Variants in UTRN observed in about 807,000 individuals in gnomAD.
The protein encoded by UTRN is dystrophin-related protein 1.
UTRN carries 283 observed loss-of-function variants against 463.9 expected under a neutral mutation model. That is an observed-to-expected ratio of 0.61 (90% CI 0.55 to 0.67). The LOEUF is 0.67. UTRN is among the 30% of genes least tolerant of loss of function. UTRN has a pLI of 0.00. For synonymous variants in UTRN, 1,442 were observed against 1,431.5 expected, an observed-to-expected ratio of 1.01 and a Z score of -0.17; for missense variants, 3,922 against 4,084.3, an observed-to-expected ratio of 0.96 and a Z score of 1.08.
At chr6:144,458,631 GTTGTA>G in intron 19 of UTRN, 134 bp from the exon 20 acceptor site, 1 of 929,852 alleles carries the variant, frequency 1.1e-6, no homozygotes, top group Non-Finnish European at 1.5e-6. Context: ...AATTTTTGTT[GTTGTA>G]TTAAAAGGGA....
chr6:144,796,060 TC>T, intron 63 of UTRN, among the ~76,000 whole-genome samples: 1 of 152,228 alleles, frequency 6.6e-6, no homozygotes, highest in East Asian at 1.9e-4. Flanking sequence ...TACATTTAAG[TC>T]TTTAATCCAT....
chr6:144,552,376 G>T (rs1799001168), intron 48 of UTRN, among the ~76,000 whole-genome samples: 1 of 152,160 alleles, frequency 6.6e-6, no homozygotes, highest in African/African-American at 2.4e-5. Context: ...TTTGGAGTGA[G>T]CTGGTTTCCC....
At chr6:144,692,503 C>T (rs1188710202) in intron 52 of UTRN, among the ~76,000 whole-genome samples, 1 of 152,204 alleles carries the variant, frequency 6.6e-6, no homozygotes, top group Non-Finnish European at 1.5e-5. Context: ...ATTTACACTC[C>T]AACCAACAGT....
intron 51 of UTRN, among the ~76,000 whole-genome samples, chr6:144,612,291 A>G (rs1805607024): frequency 6.6e-6 from 1 of 152,150 alleles, no homozygotes; most frequent in Non-Finnish European, 1.5e-5. Flanking sequence ...ACATGGGGAA[A>G]AAGTTTCCTG....
chr6:144,848,365 G>A (rs943653309), intron 74 of UTRN, among the ~76,000 whole-genome samples: 2 of 152,164 alleles, frequency 1.3e-5, no homozygotes, highest in East Asian at 1.9e-4. Flanking sequence ...CTGAGTATTG[G>A]CATTTAAAAA....
chr6:144,840,647 CTGGT>C, intron 72 of UTRN, 89 bp from the exon 73 acceptor site: 1 of 1,342,814 alleles, frequency 7.4e-7, no homozygotes, highest in Admixed American at 2.0e-5. Context: ...TATTTAGAGG[CTGGT>C]TGGAGTATTT....
intron 62 of UTRN, among the ~76,000 whole-genome samples, chr6:144,790,618 G>A (rs1009141078): frequency 3.9e-5 from 6 of 152,222 alleles, no homozygotes; most frequent in African/African-American, 9.6e-5. Context: ...TAGCCATGCA[G>A]AAGAAAGCTT....
intron 9 of UTRN, among the ~76,000 whole-genome samples, chr6:144,434,163 A>G (rs1009446346): frequency 1.4e-4 from 21 of 152,250 alleles, no homozygotes; most frequent in Non-Finnish European, 1.8e-4. Context: ...CAACACAGCG[A>G]AACCCCGTCT....
chr6:144,568,012 C>T (rs1426481512), intron 50 of UTRN, among the ~76,000 whole-genome samples: 1 of 152,026 alleles, frequency 6.6e-6, no homozygotes, highest in Non-Finnish European at 1.5e-5. Flanking sequence ...TATTGTGTTA[C>T]AAAATGATTA....
chr6:144,698,057 G>A (rs1784201671), intron 52 of UTRN, among the ~76,000 whole-genome samples: 1 of 152,114 alleles, frequency 6.6e-6, no homozygotes, highest in African/African-American at 2.4e-5. Flanking sequence ...AGCTGGTTTT[G>A]CAATTAAAAA....
At chr6:144,811,827 G>A (rs1778641303) in intron 65 of UTRN, among the ~76,000 whole-genome samples, 1 of 152,166 alleles carries the variant, frequency 6.6e-6, no homozygotes, top group African/African-American at 2.4e-5. Flanking sequence ...TACCAGTTGG[G>A]ACTACTGGTT....
intron 25 of UTRN, among the ~76,000 whole-genome samples, chr6:144,475,004 T>C (rs1320522400): frequency 6.6e-6 from 1 of 152,242 alleles, no homozygotes; most frequent in Non-Finnish European, 1.5e-5. Flanking sequence ...AACACATTTA[T>C]GACACTTGCT....
At chr6:144,321,049 T>C (rs1031506408) in intron 2 of UTRN, among the ~76,000 whole-genome samples, 1 of 152,250 alleles carries the variant, frequency 6.6e-6, no homozygotes, top group Admixed American at 6.5e-5. Flanking sequence ...TAGCTCATCA[T>C]ATTAAACACA....
intron 52 of UTRN, among the ~76,000 whole-genome samples, chr6:144,688,982 G>C (rs941454258): frequency 2.0e-5 from 3 of 152,114 alleles, no homozygotes; most frequent in African/African-American, 7.2e-5. Context: ...GGTCTTTTCA[G>C]GGAAAAGGGA....
intron 71 of UTRN, 86 bp downstream of exon 71, chr6:144,836,627 C>T: frequency 6.5e-7 from 1 of 1,535,298 alleles, no homozygotes; most frequent in Non-Finnish European, 8.8e-7. Context: ...TCAGGAGAGG[C>T]AGAGAAGTCC....
At chr6:144,410,966 A>G (rs933102879) in intron 3 of UTRN, among the ~76,000 whole-genome samples, 4 of 151,592 alleles carry the variant, frequency 2.6e-5, no homozygotes, top group African/African-American at 7.3e-5. Flanking sequence ...CCAAATGCCT[A>G]CCTCTGATGG....
In UTRN at chr6:144,514,101, T is replaced by G. The variant is rs368164124; in HGVS notation, c.5073+64T>G. 169 of 1,596,504 alleles carry G rather than the reference T, an allele frequency of 1.1e-4. 2 individuals carry two copies. In the East Asian group the frequency reaches 2.3e-3, roughly 21 times the overall value. Reference sequence around the variant, plus strand: ...CATGTTTTGTTGTCATGTTTTCTCTTCTGGAATGCTCTAAGTTACTTAGCT... The same window carrying G: ...CATGTTTTGTTGTCATGTTTTCTCTGCTGGAATGCTCTAAGTTACTTAGCT... On this transcript the variant is annotated intron_variant, in intron 36 of 74. Transcript: ENST00000367545.
At chr6:144,753,468 A>C (rs1791618069) in intron 56 of UTRN, among the ~76,000 whole-genome samples, 1 of 152,024 alleles carries the variant, frequency 6.6e-6, no homozygotes. Flanking sequence ...AAAATTAAAA[A>C]ATTACATATG....
At chr6:144,831,037 G>T (rs145466810) in intron 69 of UTRN, among the ~76,000 whole-genome samples, 29 of 152,234 alleles carry the variant, frequency 1.9e-4, no homozygotes, top group Admixed American at 6.5e-4. Flanking sequence ...CGACCGCCAT[G>T]CACCCAATAC....
Sources: gnomAD v4.1 joint callset for allele counts (sites outside exome capture counted in the v4.1 genomes callset) on GRCh38, gnomAD v4.1.1 for gene constraint, MANE v1.5 for transcripts, NCBI Gene and HGNC (gene_info 2026-07-23, HGNC 2026-07-21) for gene names.